PRMT8: variants seen among roughly 807,000 people sequenced by gnomAD.
PRMT8 encodes protein arginine methyltransferase 8, also known as protein arginine N-methyltransferase 8.
A neutral mutation model predicts 47.1 loss-of-function variants in PRMT8; 7 were observed. The observed-to-expected ratio is 0.15, with a 90% CI of 0.08 to 0.28. The LOEUF is 0.28. Among genes scored for constraint, PRMT8 ranks in the 10% least tolerant of loss-of-function variants. The probability of loss-of-function intolerance (pLI) is 1.00; values close to 1 mark genes in which losing one functional copy is unlikely to be tolerated. For synonymous variants in PRMT8, 188 were observed against 186.5 expected, an observed-to-expected ratio of 1.01 and a Z score of -0.07; for missense variants, 237 against 505.4, an observed-to-expected ratio of 0.47 and a Z score of 5.09.
intron 1 of PRMT8, among the ~76,000 whole-genome samples, chr12:3,396,041 C>CT (rs1402294851): frequency 6.2e-4 from 94 of 152,038 alleles, no homozygotes; most frequent in African/African-American, 2.2e-3. Flanking sequence ...CAACCCCTGC[C>CT]TTTTTTCGTT....
At chr12:3,543,464 G>T (rs544921526) in intron 2 of PRMT8, among the ~76,000 whole-genome samples, 1 of 152,276 alleles carries the variant, frequency 6.6e-6, no homozygotes, top group Non-Finnish European at 1.5e-5. Flanking sequence ...CATCCATCTG[G>T]AGCCACGCTG....
intron 1 of PRMT8, among the ~76,000 whole-genome samples, chr12:3,417,177 G>A (rs1382447900): frequency 7.2e-5 from 11 of 152,346 alleles, no homozygotes; most frequent in South Asian, 2.1e-4. Context: ...TGTGGAGTTC[G>A]TAAATTTTGG....
chr12:3,513,455 T>C (rs1172198671), intron 1 of PRMT8, among the ~76,000 whole-genome samples: 1 of 152,210 alleles, frequency 6.6e-6, no homozygotes, highest in East Asian at 1.9e-4. Context: ...TCCCAGTAAG[T>C]CCCTTAGACC....
intron 1 of PRMT8, among the ~76,000 whole-genome samples, chr12:3,390,125 C>T (rs1864179831): frequency 6.6e-6 from 1 of 152,260 alleles, no homozygotes; most frequent in Admixed American, 6.5e-5. Context: ...CGCAATTGCC[C>T]TAGGGCACTA....
intron 8 of PRMT8, among the ~76,000 whole-genome samples, chr12:3,585,669 C>A (rs772886297): frequency 2.0e-5 from 3 of 151,922 alleles, no homozygotes; most frequent in Non-Finnish European, 4.4e-5. Flanking sequence ...AGAACCAGTG[C>A]CTCCTGATTA....
chr12:3,487,755 A>G (rs1450464776), upstream of PRMT8, among the ~76,000 whole-genome samples: 1 of 152,188 alleles, frequency 6.6e-6, no homozygotes, highest in Non-Finnish European at 1.5e-5. Context: ...TGAGTTAGAG[A>G]TAGACCTCCT....
upstream of PRMT8, among the ~76,000 whole-genome samples, chr12:3,487,532 C>T (rs892740166): frequency 6.6e-6 from 1 of 152,224 alleles, no homozygotes; most frequent in African/African-American, 2.4e-5. Context: ...CAGGTGGAAC[C>T]TCAGAGGGCT....
rs145338593 is a variant in PRMT8 at position 3,424,783 on chromosome 12, C to T, written c.48+43341C>T. On this transcript the variant is annotated intron_variant, in intron 1 of 9. Transcript: ENST00000452611. ...TAACCATAAAATAATAGCACTGTAG[C>T]AACCTTTTGTCCTGCCTCAGTGACT... Among the ~76,000 whole-genome samples, 1,386 of 152,298 alleles carry T rather than the reference C, an allele frequency of 9.1e-3. 11 individuals are homozygous for T. The highest frequency in any genetic ancestry group is 0.02 in the Middle Eastern group (6 of 294).
chr12:3,533,408 A>G (rs1193691350), intron 1 of PRMT8, among the ~76,000 whole-genome samples: 1 of 152,252 alleles, frequency 6.6e-6, no homozygotes, highest in Admixed American at 6.5e-5. Context: ...GTGGCCCAAC[A>G]CAAATCCACA....
intron 1 of PRMT8, among the ~76,000 whole-genome samples, chr12:3,485,397 T>G (rs1203662911): frequency 6.6e-6 from 1 of 152,214 alleles, no homozygotes; most frequent in Admixed American, 6.5e-5. Context: ...AGCTACAGTC[T>G]TAGAAATTAC....
intron 7 of PRMT8, among the ~76,000 whole-genome samples, chr12:3,579,874 G>A (rs991763494): frequency 2.2e-4 from 33 of 152,158 alleles, no homozygotes; most frequent in African/African-American, 7.2e-4. Context: ...TGCTGGTGAA[G>A]CCCTCTGCTT....
At chr12:3,537,513 G>C (rs575964388) in intron 1 of PRMT8, among the ~76,000 whole-genome samples, 1 of 152,222 alleles carries the variant, frequency 6.6e-6, no homozygotes, top group South Asian at 2.1e-4. Context: ...GTCTGGAACT[G>C]CATTAATGTC....
At position 3,441,748 on chromosome 12, in the gene PRMT8, A is replaced by C. The variant is rs573449609; in HGVS notation, c.48+60306A>C. On this transcript the variant is annotated intron_variant, in intron 1 of 9. Transcript: ENST00000452611. ...TGGATGTCGAATATTCGTGCAATGT[A>C]ATTGGGAATATTTAACAAATGTTTA... Among the ~76,000 whole-genome samples the C allele has an allele frequency of 2.6e-5, 4 of 152,358 alleles. No individual in the cohort carries two copies. The South Asian group carries it at 8.3e-4, about 32-fold the overall frequency.
chr12:3,492,777 G>A lies in PRMT8; in HGVS notation c.75+1077G>A, dbSNP rs1483201158. ...CCGAGATGGGGGCGGAGTGGGGCAT[G>A]TGTGTGAAGATCATCCCTTACTCAG... On this transcript the variant is annotated intron_variant, in intron 1 of 9. Coordinates refer to ENST00000382622, the MANE Select transcript of PRMT8 (RefSeq NM_019854.5). The surrounding 1 kb of genome is among the most constrained non-coding windows in gnomAD (Gnocchi z 7.5). Among the ~76,000 whole-genome samples, 1 of 152,194 alleles carries A rather than the reference G, an allele frequency of 6.6e-6. No individual in the cohort carries two copies. Among genetic ancestry groups the A allele is most frequent in the African/African-American group, 2.4e-5 (1 of 41,458 alleles).
intron 1 of PRMT8, among the ~76,000 whole-genome samples, chr12:3,496,836 T>TCCATGTGA (rs923772430): frequency 2.0e-5 from 3 of 151,994 alleles, no homozygotes; most frequent in African/African-American, 7.3e-5. Context: ...AAAACCATAG[T>TCCATGTGA]CCATGTGACT....
At chr12:3,425,956 T>C (rs902962882) in intron 1 of PRMT8, among the ~76,000 whole-genome samples, 1 of 152,268 alleles carries the variant, frequency 6.6e-6, no homozygotes, top group Admixed American at 6.5e-5. Flanking sequence ...CAAGGAACGT[T>C]AAGTTTCCTC....
chr12:3,456,206 A>G lies in PRMT8; in HGVS notation c.48+74764A>G. 6.6e-6 allele frequency among the ~76,000 whole-genome samples: 1 copy of G among 152,184 alleles called. No homozygotes were observed. The highest frequency in any genetic ancestry group is 2.1e-4 in the South Asian group (1 of 4,824). On this transcript the variant is annotated intron_variant, in intron 1 of 9. Transcript: ENST00000452611. The surrounding 1 kb of genome is among the most constrained non-coding windows in gnomAD (Gnocchi z 4.2). The stretch of plus-strand genomic sequence containing the variant: ...CCAAGTACGCCAGCGCTGGCACACC[A>G]AGCGCCACCTTTGAGCGGGAAATGG...
At position 3,564,378 on chromosome 12, in the gene PRMT8, G is replaced by A. The variant is rs1170133390; in HGVS notation, c.482-4328G>A. Reference sequence around the variant, plus strand: ...TGGATGCACTGGAGGCTCAAATGAGGTTGAGCTGGCCTGATTTGTTTAAAA... The same window carrying A: ...TGGATGCACTGGAGGCTCAAATGAGATTGAGCTGGCCTGATTTGTTTAAAA... On this transcript the variant is annotated intron_variant, in intron 4 of 9. Coordinates refer to ENST00000382622, the MANE Select transcript of PRMT8 (RefSeq NM_019854.5). This position sits in a 1 kb window ranked among gnomAD's most constrained non-coding sequence, Gnocchi z 4.0. Among the ~76,000 whole-genome samples, 1 of 152,192 alleles carries A rather than the reference G, an allele frequency of 6.6e-6. No individual in the cohort carries two copies. Among genetic ancestry groups the A allele is most frequent in the African/African-American group, 2.4e-5 (1 of 41,448 alleles).
chr12:3,425,052 G>A (rs1864587982), intron 1 of PRMT8, among the ~76,000 whole-genome samples: 1 of 152,208 alleles, frequency 6.6e-6, no homozygotes, highest in Non-Finnish European at 1.5e-5. Context: ...TGGTCTTGGA[G>A]GTTGGGCCTG....
Sources: gnomAD v4.1 joint callset for allele counts (sites outside exome capture counted in the v4.1 genomes callset) on GRCh38, gnomAD v4.1.1 for gene constraint, Gnocchi (gnomAD v3.1) non-coding constraint, MANE v1.5 for transcripts, NCBI Gene and HGNC (gene_info 2026-07-23, HGNC 2026-07-21) for gene names.